The following IFIH1 variants were observed in gnomAD, a reference collection of about 807,000 sequenced individuals.
The protein encoded by IFIH1 is interferon induced with helicase C domain 1, also known as interferon-induced helicase C domain-containing protein 1.
A neutral mutation model predicts 107.4 loss-of-function variants in IFIH1; 125 were observed. The ratio of observed to expected loss-of-function variants is 1.16; its 90% CI spans 1.01 to 1.35. The LOEUF is 1.35. Ranked by LOEUF, IFIH1 falls within the 40% of genes most tolerant of loss-of-function variation. The probability of loss-of-function intolerance (pLI) is 0.00; values close to 1 mark genes in which losing one functional copy is unlikely to be tolerated. For missense variants in IFIH1, 1,333 were observed against 1,213.7 expected, an observed-to-expected ratio of 1.10 and a Z score of -1.46; for synonymous variants, 458 against 413.2, an observed-to-expected ratio of 1.11 and a Z score of -1.31.
At chr2:162,313,728 G>C (rs747067438) in intron 1 of IFIH1, among the ~76,000 whole-genome samples, 6 of 151,998 alleles carry the variant, frequency 3.9e-5, no homozygotes, top group Non-Finnish European at 8.8e-5. Flanking sequence ...TGTTAAAAAA[G>C]AATTTTAAAG....
Position 162,310,821 on chromosome 2 carries a change from C to T in IFIH1, c.566G>A (p.Gly189Glu). The change falls in exon 2 of 16, where the codon GGA (glycine) becomes GAA (glutamate). Residue 189 changes from glycine to glutamate, a missense_variant. Physicochemically the swap from Gly to Glu is moderately conservative, Grantham distance 98 (BLOSUM62 -2). Coordinates refer to ENST00000649979, the MANE Select transcript of IFIH1 (RefSeq NM_022168.4). ...SAFLNVLRQT[G>E]NNELVQELTG... ...TAACTCTTGGACAAGTTCATTGTTTCCTGTTTGACGAAGAACATTCAGAAA... is the reference window on the plus strand; with the variant it reads ...TAACTCTTGGACAAGTTCATTGTTTTCTGTTTGACGAAGAACATTCAGAAA... 1 of 1,613,792 alleles carries T rather than the reference C, an allele frequency of 6.2e-7. No homozygotes were observed. The highest frequency in any genetic ancestry group is 8.5e-7 in the Non-Finnish European group (1 of 1,179,802).
chr2:162,274,734 TG>T (rs1481579883), intron 11 of IFIH1, among the ~76,000 whole-genome samples: 1 of 152,174 alleles, frequency 6.6e-6, no homozygotes, highest in Non-Finnish European at 1.5e-5. Flanking sequence ...AAACCTAGCT[TG>T]ATATGGACAA....
At chr2:162,316,184 C>T (rs1486129845) in intron 1 of IFIH1, among the ~76,000 whole-genome samples, 2 of 152,172 alleles carry the variant, frequency 1.3e-5, no homozygotes, top group African/African-American at 4.8e-5. Context: ...GGGAGAAGTG[C>T]TGTTTCGCTG....
rs1459983853 is a variant in IFIH1, at chr2:162,272,309, T to C, written c.2533A>G (p.Thr845Ala). The C allele has an allele frequency of 1.9e-6, 3 of 1,613,090 alleles. No individual in the cohort carries two copies. Among genetic ancestry groups the C allele is most frequent in the East Asian group, 2.2e-5 (1 of 44,866 alleles). ...HSGSGVIEHE[T>A]VNDFREKMMY... is the part of the protein sequence containing the mutation. ...ATCTTCTCTCGGAAATCATTAACTG[T>C]CTCATGTTCGATAACTCCTGAACCA... The change falls in exon 13 of 16, where the codon ACA (threonine) becomes GCA (alanine). Residue 845 changes from threonine to alanine, a missense_variant. Coordinates refer to ENST00000649979, the MANE Select transcript of IFIH1 (RefSeq NM_022168.4).
chr2:162,280,234 A>G lies in IFIH1; in HGVS notation c.1525-122T>C. On this transcript the variant is annotated intron_variant, in intron 7 of 15. Coordinates refer to ENST00000649979, the MANE Select transcript of IFIH1 (RefSeq NM_022168.4). The stretch of plus-strand genomic sequence containing the variant: ...AAATTGTAGCATAAATATGTGGTAT[A>G]AAATTTCATGAAAGTAATATGTAGC... 4.7e-6 allele frequency: 3 copies of G among 634,026 alleles called. No individual in the cohort carries two copies. In the South Asian group the frequency reaches 5.7e-5, roughly 12 times the overall value. The allele number at this position is 634,026 out of a possible 1,614,324, so 39.3% of individuals were successfully genotyped here.
chr2:162,284,462 G>A (rs866850166), intron 5 of IFIH1, among the ~76,000 whole-genome samples: 1 of 151,938 alleles, frequency 6.6e-6, no homozygotes, highest in Non-Finnish European at 1.5e-5. Flanking sequence ...TGAAATAGAG[G>A]ATGCTGTATT....
chr2:162,289,739 T>A (rs184169989), intron 4 of IFIH1, among the ~76,000 whole-genome samples: 1 of 152,048 alleles, frequency 6.6e-6, no homozygotes, highest in Admixed American at 6.6e-5. Context: ...ATTTGCCTTT[T>A]GTATGGATGA....
At chr2:162,317,687 T>C (rs2105237492) in intron 1 of IFIH1, among the ~76,000 whole-genome samples, 168 bp downstream of exon 1, 1 of 152,352 alleles carries the variant, frequency 6.6e-6, no homozygotes, top group East Asian at 1.9e-4. Flanking sequence ...AGTTCTTTTG[T>C]GTTTAAATTT....
intron 3 of IFIH1, among the ~76,000 whole-genome samples, chr2:162,294,491 T>C (rs1440958841): frequency 6.6e-6 from 1 of 151,954 alleles, no homozygotes; most frequent in African/African-American, 2.4e-5. Context: ...GCAATGGTGG[T>C]TACTAATATT....
rs3051152 is a variant in IFIH1 at position 162,288,917 on chromosome 2, GCACACACACA to G, written c.875-572_875-563del. Among the ~76,000 whole-genome samples the G allele has an allele frequency of 6.2e-3, 836 of 135,418 alleles. 9 individuals carry two copies. Among genetic ancestry groups the G allele is most frequent in the African/African-American group, 0.021 (785 of 37,868 alleles). The allele number at this position is 135,418 out of a possible 152,430, so 88.8% of individuals were successfully genotyped here. ...TTATCTGACAACCAAATACCAAAAAGCACACACACACACACACACACACACACACACACAC... is the reference window on the plus strand; with the variant it reads ...TTATCTGACAACCAAATACCAAAAAGCACACACACACACACACACACACAC... On this transcript the variant is annotated intron_variant, in intron 4 of 15. Coordinates refer to ENST00000649979, the MANE Select transcript of IFIH1 (RefSeq NM_022168.4).
At chr2:162,292,138 C>A (rs1008421940) in intron 4 of IFIH1, among the ~76,000 whole-genome samples, 3 of 151,672 alleles carry the variant, frequency 2.0e-5, no homozygotes, top group Non-Finnish European at 4.4e-5. Context: ...TATTGAAAAG[C>A]CCTTACTTAG....
intron 13 of IFIH1, among the ~76,000 whole-genome samples, chr2:162,271,718 C>T (rs1467923909): frequency 6.6e-6 from 1 of 152,146 alleles, no homozygotes; most frequent in Non-Finnish European, 1.5e-5. Flanking sequence ...TATTATATTT[C>T]TTGTCTTTTA....
chr2:162,268,380 T>A, intron 13 of IFIH1, 103 bp from the exon 14 acceptor site: 1 of 681,116 alleles, frequency 1.5e-6, no homozygotes, highest in Non-Finnish European at 2.5e-6. Flanking sequence ...TGTGAAAATA[T>A]ACCCTTAGCT....
At chr2:162,272,104 AC>A in intron 13 of IFIH1, 121 bp downstream of exon 13, 1 of 771,480 alleles carries the variant, frequency 1.3e-6, no homozygotes, top group South Asian at 1.5e-5. Flanking sequence ...AGCACAGTTC[AC>A]TAAACAGAAA....
At chr2:162,287,840 A>C (rs1311775338) in intron 5 of IFIH1, among the ~76,000 whole-genome samples, 1 of 151,990 alleles carries the variant, frequency 6.6e-6, no homozygotes, top group African/African-American at 2.4e-5. Context: ...CTGTGACCAG[A>C]TAAGGGAAAT....
Position 162,288,267 on chromosome 2 carries a change from T to C in IFIH1, c.963A>G (p.Glu321=), listed in dbSNP as rs554877916. ...YQMEVAQPAL[E]GKNIIICLPT... ...GGAGGCAGATGATGATATTCTTCCC[T>C]TCCAAGGCTGGCTGGGCAACTTCCA... The change falls in exon 5 of 16, where the codon GAA becomes GAG. Residue 321 remains glutamate (E), a synonymous_variant. Transcript: ENST00000649979. The C allele has an allele frequency of 6.2e-7, 1 of 1,612,834 alleles. No individual in the cohort carries two copies. Among genetic ancestry groups the C allele is most frequent in the East Asian group, 2.2e-5 (1 of 44,826 alleles).
chr2:162,313,232 A>G (rs1683411526), intron 1 of IFIH1, among the ~76,000 whole-genome samples: 1 of 152,200 alleles, frequency 6.6e-6, no homozygotes, highest in Non-Finnish European at 1.5e-5. Flanking sequence ...AAAATTTAAT[A>G]TGTTCTCCTA....
intron 3 of IFIH1, among the ~76,000 whole-genome samples, chr2:162,303,730 T>C (rs1683232156): frequency 6.6e-6 from 1 of 152,174 alleles, no homozygotes; most frequent in African/African-American, 2.4e-5. Context: ...AAGATACATC[T>C]TTAAGTTTTA....
At chr2:162,292,134 A>G (rs1683006880) in intron 4 of IFIH1, among the ~76,000 whole-genome samples, 1 of 151,850 alleles carries the variant, frequency 6.6e-6, no homozygotes, top group African/African-American at 2.4e-5. Flanking sequence ...ATATTATTGA[A>G]AAGCCCTTAC....
Sources: gnomAD v4.1 joint callset for allele counts (sites outside exome capture counted in the v4.1 genomes callset) on GRCh38, gnomAD v4.1.1 for gene constraint, MANE v1.5 for transcripts, NCBI Gene and HGNC (gene_info 2026-07-23, HGNC 2026-07-21) for gene names.